Variants in PGM1 observed in about 807,000 individuals in gnomAD.
PGM1 encodes phosphoglucomutase 1, also known as phosphoglucomutase-1.
A neutral mutation model predicts 55.6 loss-of-function variants in PGM1; 52 were observed. That is an observed-to-expected ratio of 0.94 (90% CI 0.75 to 1.18). The LOEUF (loss-of-function observed/expected upper bound fraction) is 1.18, where lower values mean the gene tolerates loss of function less well. PGM1 is among the 50% of genes most tolerant of loss of function. The pLI is 0.00. For synonymous variants in PGM1, 287 were observed against 271.7 expected, an observed-to-expected ratio of 1.06 and a Z score of -0.55; for missense variants, 724 against 729.3, an observed-to-expected ratio of 0.99 and a Z score of 0.08.
At chr1:63,598,652 A>G (rs1431983356) in intron 1 of PGM1, among the ~76,000 whole-genome samples, 1 of 152,220 alleles carries the variant, frequency 6.6e-6, no homozygotes, top group Non-Finnish European at 1.5e-5. Context: ...GTTAGATGTT[A>G]GTGAAAATAA....
chr1:63,593,984 G>A (rs1012561227), intron 1 of PGM1: 26 of 1,175,782 alleles, frequency 2.2e-5, no homozygotes, highest in Non-Finnish European at 2.4e-5. Flanking sequence ...GGGAGGTGCG[G>A]GCGCGGAGCC....
At chr1:63,600,986 C>A (rs1209848102) in intron 1 of PGM1, among the ~76,000 whole-genome samples, 1 of 151,996 alleles carries the variant, frequency 6.6e-6, no homozygotes, top group Non-Finnish European at 1.5e-5. Context: ...AACTTTTCAT[C>A]TACCCTCCTA....
At position 63,636,502 on chromosome 1, in the gene PGM1, T is replaced by C. The variant is rs549496942; in HGVS notation, c.1028+114T>C. On this transcript the variant is annotated intron_variant, in intron 6 of 10. Transcript: ENST00000371084. ...CCTTTCAGCATGGGCATCTGATGCA[T>C]AGAGTGTGCTGAGCGATTCTTGTGT... The C allele has an allele frequency of 8.3e-6, 9 of 1,083,092 alleles. No homozygotes were observed. The South Asian group carries it at 1.1e-4, about 14-fold the overall frequency. 67.1% of individuals were successfully genotyped at this position (1,083,092 alleles called of 1,614,324 possible).
At chr1:63,625,521 T>C (rs1335304032) in intron 1 of PGM1, among the ~76,000 whole-genome samples, 1 of 152,180 alleles carries the variant, frequency 6.6e-6, no homozygotes, top group Non-Finnish European at 1.5e-5. Flanking sequence ...TTCTAACATA[T>C]CCTAAATTCT....
At chr1:63,642,900 A>AT (rs1192184955) in intron 7 of PGM1, among the ~76,000 whole-genome samples, 8 of 152,122 alleles carry the variant, frequency 5.3e-5, no homozygotes, top group Admixed American at 5.2e-4. Flanking sequence ...TTGAACTTTG[A>AT]TTTTATCCTG....
At chr1:63,615,468 G>C (rs1648683173) in intron 1 of PGM1, among the ~76,000 whole-genome samples, 1 of 149,946 alleles carries the variant, frequency 6.7e-6, no homozygotes, top group South Asian at 2.1e-4. Flanking sequence ...TCCTATTTTG[G>C]CCAGACCATA....
intron 7 of PGM1, among the ~76,000 whole-genome samples, chr1:63,647,111 C>T (rs1336647445): frequency 2.0e-5 from 3 of 151,404 alleles, no homozygotes; most frequent in South Asian, 2.1e-4. Context: ...AGCATGGTGG[C>T]GGGCACCTAT....
intron 1 of PGM1, among the ~76,000 whole-genome samples, chr1:63,613,640 G>C (rs992576882): frequency 6.6e-6 from 1 of 150,656 alleles, no homozygotes; most frequent in African/African-American, 2.4e-5. Flanking sequence ...GATTACATCT[G>C]CAAAGACCCT....
chr1:63,618,314 A>G (rs1238333144), intron 1 of PGM1, among the ~76,000 whole-genome samples: 1 of 152,206 alleles, frequency 6.6e-6, no homozygotes, highest in Admixed American at 6.5e-5. Flanking sequence ...AATATAATAC[A>G]GTCCAAGTTT....
intron 1 of PGM1, among the ~76,000 whole-genome samples, chr1:63,620,901 G>A (rs1314638495): frequency 6.6e-6 from 1 of 152,246 alleles, no homozygotes; most frequent in African/African-American, 2.4e-5. Flanking sequence ...ATGCTCGACA[G>A]TAACGTTTCT....
intron 1 of PGM1, chr1:63,623,786 G>A (rs1451757595): frequency 1.9e-5 from 29 of 1,525,142 alleles, no homozygotes; most frequent in Non-Finnish European, 2.3e-5. Flanking sequence ...GTATTGTTAT[G>A]TTTCTGGCTC....
intron 1 of PGM1, among the ~76,000 whole-genome samples, chr1:63,598,769 C>T (rs924944888): frequency 1.3e-5 from 2 of 152,092 alleles, no homozygotes; most frequent in African/African-American, 4.8e-5. Flanking sequence ...AGTTAAGAAC[C>T]CCACACTAAA....
intron 7 of PGM1, 99 bp from the exon 8 acceptor site, chr1:63,648,418 G>T: frequency 7.6e-7 from 1 of 1,323,498 alleles, no homozygotes; most frequent in African/African-American, 1.5e-5. Context: ...CCCTCAACAT[G>T]AGATTTGGGT....
At chr1:63,641,198 A>G (rs565006306) in intron 7 of PGM1, among the ~76,000 whole-genome samples, 56 of 152,326 alleles carry the variant, frequency 3.7e-4, no homozygotes, top group African/African-American at 1.3e-3. Flanking sequence ...CCTAGTACCA[A>G]TCATGGTTTT....
At chr1:63,620,006 G>A (rs1459666498) in intron 1 of PGM1, among the ~76,000 whole-genome samples, 5 of 152,174 alleles carry the variant, frequency 3.3e-5, no homozygotes, top group Admixed American at 3.3e-4. Flanking sequence ...GAAGGACAAG[G>A]GGGCTGACAA....
intron 9 of PGM1, among the ~76,000 whole-genome samples, chr1:63,653,060 G>A (rs916234371): frequency 6.6e-6 from 1 of 152,204 alleles, no homozygotes; most frequent in African/African-American, 2.4e-5. Context: ...TCCCAGCTCT[G>A]CAGTGCCTCT....
At position 63,659,866 on chromosome 1, in the gene PGM1, G is replaced by A. The variant is rs867766971; in HGVS notation, c.*191G>A. The stretch of plus-strand genomic sequence containing the variant: ...GCCCTTGGGAGCTGTGAGGGAAAGA[G>A]GACCTGCGGGCTTAGATCAATCTCA... On this transcript the variant is annotated 3_prime_UTR_variant, in exon 11 of 11. Transcript: ENST00000371084. The A allele has an allele frequency of 1.5e-5, 10 of 652,710 alleles. No individual in the cohort carries two copies. The highest frequency in any genetic ancestry group is 6.0e-4 in the Middle Eastern group (2 of 3,308). 40.4% of individuals were successfully genotyped at this position (652,710 alleles called of 1,614,324 possible). A position where few individuals can be genotyped will look rare whatever the true frequency, so the allele number is the denominator to read the frequency against.
chr1:63,650,190 G>C (rs151275199), intron 8 of PGM1, among the ~76,000 whole-genome samples: 1 of 152,106 alleles, frequency 6.6e-6, no homozygotes, highest in South Asian at 2.1e-4. Context: ...GAACAAAAGC[G>C]CTAGGCACTT....
chr1:63,633,799 C>A (rs1477288881), intron 4 of PGM1, among the ~76,000 whole-genome samples: 2 of 150,028 alleles, frequency 1.3e-5, no homozygotes, highest in African/African-American at 4.9e-5. Flanking sequence ...TCCTGAGTAG[C>A]TGGGATTACA....
Sources: gnomAD v4.1 joint callset for allele counts (sites outside exome capture counted in the v4.1 genomes callset) on GRCh38, gnomAD v4.1.1 for gene constraint, MANE v1.5 for transcripts, NCBI Gene and HGNC (gene_info 2026-07-23, HGNC 2026-07-21) for gene names.